TBC1D8: variants seen among roughly 807,000 people sequenced by gnomAD.
TBC1D8 encodes BUB2-like protein 1.
A neutral mutation model predicts 118.8 loss-of-function variants in TBC1D8; 65 were observed. The observed-to-expected ratio is 0.55, with a 90% CI of 0.45 to 0.67. The LOEUF is 0.67. Among genes scored for constraint, TBC1D8 ranks in the 30% least tolerant of loss-of-function variants. The probability of loss-of-function intolerance (pLI) is 0.00; values close to 1 mark genes in which losing one functional copy is unlikely to be tolerated. For missense variants in TBC1D8, 1,376 were observed against 1,471.2 expected (o/e 0.94, Z 1.06); for synonymous variants, 566 against 595.8 (o/e 0.95, Z 0.73).
intron 2 of TBC1D8, among the ~76,000 whole-genome samples, chr2:101,082,133 C>T (rs998464571): frequency 3.3e-5 from 5 of 152,080 alleles, no homozygotes; most frequent in African/African-American, 7.2e-5. Context: ...AGTGAGACTC[C>T]GTCTCAAAAA....
chr2:101,060,955 A>G, intron 2 of TBC1D8, among the ~76,000 whole-genome samples: 1 of 152,050 alleles, frequency 6.6e-6, no homozygotes, highest in Non-Finnish European at 1.5e-5. Flanking sequence ...TGGGAGGCCG[A>G]GGTGAATGGA....
intron 1 of TBC1D8, among the ~76,000 whole-genome samples, chr2:101,143,234 T>C (rs916248334): frequency 6.6e-6 from 1 of 151,826 alleles, no homozygotes; most frequent in African/African-American, 2.4e-5. Flanking sequence ...AGCTTAGTTT[T>C]GTATTTTTAG....
intron 17 of TBC1D8, chr2:101,019,204 C>A (rs893341003): frequency 6.5e-6 from 5 of 772,676 alleles, no homozygotes; most frequent in Non-Finnish European, 1.0e-5. Context: ...CAACAAGGTA[C>A]TGATGTCTTC....
chr2:101,122,904 A>G (rs2104238197), intron 1 of TBC1D8, among the ~76,000 whole-genome samples: 1 of 151,202 alleles, frequency 6.6e-6, no homozygotes, highest in East Asian at 2.0e-4. Context: ...GGGAATATAG[A>G]CTTGTATGGT....
chr2:101,025,579 T>C (rs1249750890), intron 15 of TBC1D8, among the ~76,000 whole-genome samples: 1 of 152,034 alleles, frequency 6.6e-6, no homozygotes, highest in African/African-American at 2.4e-5. Context: ...AAAAAAATGG[T>C]TTTTTCTTTT....
At chr2:101,059,360 G>A (rs982694772) in intron 3 of TBC1D8, 61 bp downstream of exon 3, 40 of 1,355,356 alleles carry the variant, frequency 3.0e-5, no homozygotes, top group Middle Eastern at 3.6e-4. Flanking sequence ...TACAGTGTTC[G>A]GAATGTCTTA....
At chr2:101,072,311 C>G (rs1334736342) in intron 2 of TBC1D8, among the ~76,000 whole-genome samples, 1 of 152,054 alleles carries the variant, frequency 6.6e-6, no homozygotes, top group African/African-American at 2.4e-5. Context: ...AGCTTACAAT[C>G]ATGGCAGAAG....
At chr2:101,010,458 G>A (rs927403990) in intron 19 of TBC1D8, among the ~76,000 whole-genome samples, 1 of 152,144 alleles carries the variant, frequency 6.6e-6, no homozygotes, top group Non-Finnish European at 1.5e-5. Context: ...GTTTTGAAGC[G>A]ATTTGAATAT....
In TBC1D8 at chr2:101,028,726, C is replaced by T. The variant is rs563662096; in HGVS notation, c.2223-294G>A. On this transcript the variant is annotated intron_variant, in intron 12 of 19. Coordinates refer to ENST00000409318, the MANE Select transcript of TBC1D8 (RefSeq NM_001330348.2). ...TCCATCATGCTCTGAAAGAGAACCCCCTCTTTCAATGTCATCTGACTTGCC... is the reference window on the plus strand; with the variant it reads ...TCCATCATGCTCTGAAAGAGAACCCTCTCTTTCAATGTCATCTGACTTGCC... Among the ~76,000 whole-genome samples, 5 of 152,268 alleles carry T rather than the reference C, an allele frequency of 3.3e-5. No homozygotes were observed. In the South Asian group the frequency reaches 1.0e-3, roughly 32 times the overall value.
intron 17 of TBC1D8, among the ~76,000 whole-genome samples, chr2:101,015,735 A>G (rs972929535): frequency 6.6e-6 from 1 of 152,234 alleles, no homozygotes; most frequent in East Asian, 1.9e-4. Flanking sequence ...ATATAGATCA[A>G]TGGAACAGAA....
intron 19 of TBC1D8, among the ~76,000 whole-genome samples, chr2:101,010,631 T>TC (rs897776517): frequency 3.9e-5 from 6 of 151,938 alleles, no homozygotes; most frequent in African/African-American, 1.5e-4. Flanking sequence ...AAACCTGTAA[T>TC]CCCAGCACTT....
intron 1 of TBC1D8, among the ~76,000 whole-genome samples, chr2:101,097,202 G>C (rs1676514722): frequency 6.6e-6 from 1 of 151,908 alleles, no homozygotes; most frequent in African/African-American, 2.4e-5. Flanking sequence ...AAAAAACCTA[G>C]AATTCTATAT....
rs560402691 is a variant in TBC1D8 at position 101,126,290 on chromosome 2, T to TC, written c.127+24836dup. Among the ~76,000 whole-genome samples the TC allele has an allele frequency of 2.4e-4, 37 of 151,878 alleles. 1 individual carries two copies. The East Asian group carries it at 7.2e-3, about 29-fold the overall frequency. ...GATCCACTCCCACAACCCAAACAGC[T>TC]CCCACCAGGCCGTACCTCCAATACT... On this transcript the variant is annotated intron_variant, in intron 1 of 19. Transcript: ENST00000409318.
At chr2:101,017,149 T>C (rs1017514600) in intron 17 of TBC1D8, among the ~76,000 whole-genome samples, 2 of 151,942 alleles carry the variant, frequency 1.3e-5, no homozygotes, top group African/African-American at 2.4e-5. Context: ...TATCAGTGTC[T>C]TCCACGTCCA....
chr2:101,105,051 C>G (rs1219414454), intron 1 of TBC1D8, among the ~76,000 whole-genome samples: 1 of 146,566 alleles, frequency 6.8e-6, no homozygotes, highest in African/African-American at 2.5e-5. Flanking sequence ...AAAACTTCTA[C>G]AACATAACAC....
intron 17 of TBC1D8, among the ~76,000 whole-genome samples, chr2:101,012,421 G>A (rs908445832): frequency 6.6e-6 from 1 of 152,208 alleles, no homozygotes; most frequent in Non-Finnish European, 1.5e-5. Context: ...AAAACATCAT[G>A]CTAGGTGAGA....
intron 1 of TBC1D8, among the ~76,000 whole-genome samples, chr2:101,098,523 C>T (rs1177489623): frequency 6.6e-6 from 1 of 152,184 alleles, no homozygotes; most frequent in Non-Finnish European, 1.5e-5. Flanking sequence ...ACCTACTAGA[C>T]ATCTACAGAA....
intron 1 of TBC1D8, among the ~76,000 whole-genome samples, chr2:101,142,857 C>T (rs1679166030): frequency 6.6e-6 from 1 of 152,060 alleles, no homozygotes. Flanking sequence ...CAGAAGGGGT[C>T]TCTCAGGCAT....
chr2:101,031,877 TC>T (rs1184073515), intron 11 of TBC1D8, among the ~76,000 whole-genome samples: 1 of 151,906 alleles, frequency 6.6e-6, no homozygotes, highest in Non-Finnish European at 1.5e-5. Context: ...CCGAGAGGCA[TC>T]CCCCCAGGCC....
Sources: allele counts gnomAD v4.1 joint callset (sites outside exome capture counted in the v4.1 genomes callset), GRCh38; gene constraint gnomAD v4.1.1; transcripts MANE v1.5; gene names NCBI Gene and HGNC (gene_info 2026-07-23, HGNC 2026-07-21).